Variants in KLF12 observed in about 807,000 individuals in gnomAD.
KLF12 encodes KLF transcription factor 12.
In KLF12, 9 loss-of-function variants were observed where a neutral mutation model predicts 37.8. That is an observed-to-expected ratio of 0.24 (90% CI 0.14 to 0.42). The LOEUF (loss-of-function observed/expected upper bound fraction) is 0.42. KLF12 is among the 10% of genes least tolerant of loss of function. The pLI is 1.00. For missense variants in KLF12, 411 were observed against 516.0 expected, an observed-to-expected ratio of 0.80 and a Z score of 1.97; for synonymous variants, 208 against 202.1, an observed-to-expected ratio of 1.03 and a Z score of -0.25.
At chr13:74,194,778 G>T in the KLF12 span, among the ~76,000 whole-genome samples, 2 of 152,300 alleles carry the variant, frequency 1.3e-5, no homozygotes, top group Non-Finnish European at 2.9e-5. Flanking sequence ...GATGTGTTTG[G>T]TTTGAGATAG....
At chr13:73,921,734 C>T (rs971881127) in intron 3 of KLF12, among the ~76,000 whole-genome samples, 3 of 152,150 alleles carry the variant, frequency 2.0e-5, no homozygotes, top group African/African-American at 4.8e-5. Context: ...AGAAGTGCCT[C>T]CCCTGGGGAA....
At chr13:74,185,588 T>C in the KLF12 span, among the ~76,000 whole-genome samples, 1 of 152,154 alleles carries the variant, frequency 6.6e-6, no homozygotes, top group African/African-American at 2.4e-5. Context: ...GTAACACTCC[T>C]GGAACTTTCA....
chr13:74,238,223 T>C, the KLF12 span, among the ~76,000 whole-genome samples: 2 of 130,946 alleles, frequency 1.5e-5, 1 homozygote, highest in African/African-American at 7.9e-5. Context: ...TTTGGCTCTG[T>C]TTATATGCTG....
intron 2 of KLF12, among the ~76,000 whole-genome samples, chr13:73,969,042 A>C (rs1891253074): frequency 1.3e-5 from 2 of 152,244 alleles, no homozygotes; most frequent in African/African-American, 4.8e-5. Flanking sequence ...AAAAAAAAAA[A>C]AAACCTATAG....
At chr13:74,035,516 A>G (rs1893224261) in intron 1 of KLF12, among the ~76,000 whole-genome samples, 2 of 152,212 alleles carry the variant, frequency 1.3e-5, no homozygotes, top group African/African-American at 4.8e-5. Context: ...AAAAATTCAT[A>G]GTACATTTTT....
At chr13:73,996,138 CCA>C (rs1214903902) in intron 1 of KLF12, among the ~76,000 whole-genome samples, 2 of 152,180 alleles carry the variant, frequency 1.3e-5, no homozygotes, top group Non-Finnish European at 2.9e-5. Flanking sequence ...TAATTTTATT[CCA>C]GTTTTAAATA....
In KLF12 at chr13:73,717,650, A is replaced by C. The variant is rs138337886; in HGVS notation, c.870-2125T>G. Among the ~76,000 whole-genome samples, 393 of 152,354 alleles carry C rather than the reference A, an allele frequency of 2.6e-3. 1 individual carries two copies. Among genetic ancestry groups the C allele is most frequent in the African/African-American group, 8.8e-3 (367 of 41,580 alleles). ...TTTATGCAAGATCTACCACAGTAGA[A>C]TGAAAGAACATATGTTATGTATGGC... On this transcript the variant is annotated intron_variant, in intron 6 of 7. Transcript: ENST00000377669.
intron 3 of KLF12, among the ~76,000 whole-genome samples, chr13:73,895,210 G>A (rs1286684174): frequency 1.3e-5 from 2 of 152,128 alleles, no homozygotes; most frequent in African/African-American, 4.8e-5. Flanking sequence ...TCTAGATTCA[G>A]AGCTGTTCTA....
the KLF12 span, among the ~76,000 whole-genome samples, chr13:74,285,190 T>G: frequency 2.0e-5 from 3 of 152,186 alleles, no homozygotes; most frequent in African/African-American, 7.2e-5. Context: ...ATTTTTTTTT[T>G]TTTTACACCA....
At chr13:73,768,129 C>T (rs138612813) in intron 5 of KLF12, among the ~76,000 whole-genome samples, 37 of 152,264 alleles carry the variant, frequency 2.4e-4, no homozygotes, top group Non-Finnish European at 4.6e-4. Flanking sequence ...CCAGCTTCAC[C>T]GTTTACCAAC....
intron 1 of KLF12, among the ~76,000 whole-genome samples, chr13:74,072,847 T>C (rs1478332323): frequency 6.6e-6 from 1 of 152,174 alleles, no homozygotes; most frequent in Non-Finnish European, 1.5e-5. Flanking sequence ...CTGCTGAAGG[T>C]TGTCAAGAAG....
chr13:73,759,567 G>A (rs915948620), intron 6 of KLF12, among the ~76,000 whole-genome samples: 1 of 152,112 alleles, frequency 6.6e-6, no homozygotes, highest in African/African-American at 2.4e-5. Flanking sequence ...TGCTTAGCTT[G>A]TAATGAATTA....
At chr13:73,893,254 G>A (rs554170427) in intron 3 of KLF12, among the ~76,000 whole-genome samples, 7 of 151,094 alleles carry the variant, frequency 4.6e-5, no homozygotes, top group Non-Finnish European at 7.4e-5. Flanking sequence ...TTAATTATGT[G>A]TATGGTGTGG....
At chr13:73,955,191 A>C (rs1281904533) in intron 2 of KLF12, among the ~76,000 whole-genome samples, 1 of 152,230 alleles carries the variant, frequency 6.6e-6, no homozygotes, top group African/African-American at 2.4e-5. Flanking sequence ...AAATAATTAT[A>C]ATTAGTAATA....
intron 2 of KLF12, among the ~76,000 whole-genome samples, chr13:73,946,623 A>C (rs1012846709): frequency 2.6e-5 from 4 of 152,230 alleles, no homozygotes; most frequent in African/African-American, 9.6e-5. Context: ...TAAGAAATCA[A>C]GATTTCCTGG....
At chr13:74,182,526 T>C in the KLF12 span, among the ~76,000 whole-genome samples, 1 of 152,178 alleles carries the variant, frequency 6.6e-6, no homozygotes, top group Non-Finnish European at 1.5e-5. Context: ...TTCTGTCACC[T>C]CTGCAGAGGT....
At chr13:74,099,261 C>G (rs946955381) in intron 1 of KLF12, among the ~76,000 whole-genome samples, 4 of 152,066 alleles carry the variant, frequency 2.6e-5, no homozygotes, top group Non-Finnish European at 5.9e-5. Context: ...GTGGGAAGAT[C>G]ACCTGAGCCC....
At chr13:74,305,972 G>A in the KLF12 span, among the ~76,000 whole-genome samples, 1 of 152,088 alleles carries the variant, frequency 6.6e-6, no homozygotes, top group Non-Finnish European at 1.5e-5. Context: ...AGGCTGGAAA[G>A]AAAGATTTGA....
chr13:73,976,758 T>G (rs1288657750), intron 2 of KLF12, among the ~76,000 whole-genome samples: 1 of 152,164 alleles, frequency 6.6e-6, no homozygotes, highest in Non-Finnish European at 1.5e-5. Context: ...TAAGATGCAT[T>G]ACAAGGAGGA....
Sources: allele counts gnomAD v4.1 joint callset (sites outside exome capture counted in the v4.1 genomes callset), GRCh38; gene constraint gnomAD v4.1.1; transcripts MANE v1.5; gene names NCBI Gene and HGNC (gene_info 2026-07-23, HGNC 2026-07-21).